Variants in PDLIM5 observed in about 807,000 individuals in gnomAD.
PDLIM5 encodes PDZ and LIM domain protein 5.
Under a neutral mutation model 64.2 loss-of-function variants are expected in PDLIM5, and 34 were observed. The ratio of observed to expected loss-of-function variants is 0.53; its 90% CI spans 0.40 to 0.71. The LOEUF (loss-of-function observed/expected upper bound fraction) is 0.71. PDLIM5 is among the 30% of genes least tolerant of loss of function. The pLI is 0.00. For missense variants in PDLIM5, 683 were observed against 733.6 expected (o/e 0.93, Z 0.80); for synonymous variants, 253 against 269.1 (o/e 0.94, Z 0.59).
chr4:94,527,341 C>T (rs982889426), intron 3 of PDLIM5, among the ~76,000 whole-genome samples: 1 of 152,046 alleles, frequency 6.6e-6, no homozygotes, highest in Non-Finnish European at 1.5e-5. Flanking sequence ...AGGCATGAGT[C>T]ACCACGCGTG....
intron 5 of PDLIM5, among the ~76,000 whole-genome samples, chr4:94,580,599 T>C (rs919903057): frequency 2.0e-5 from 3 of 152,144 alleles, no homozygotes; most frequent in African/African-American, 4.8e-5. Flanking sequence ...TTAGGTTAGA[T>C]AGAATTTTTT....
At chr4:94,614,056 G>C (rs1013143985) in intron 7 of PDLIM5, among the ~76,000 whole-genome samples, 1 of 150,132 alleles carries the variant, frequency 6.7e-6, no homozygotes, top group African/African-American at 2.5e-5. Context: ...TCCGCCTCGC[G>C]GGTTCAAGTG....
At position 94,667,310 on chromosome 4, in the gene PDLIM5, C is replaced by T. The variant is rs1036578124; in HGVS notation, c.*3243C>T. 1 of 152,188 alleles carries T rather than the reference C, an allele frequency of 6.6e-6. No homozygotes were observed. The allele number at this position is 152,188 out of a possible 1,614,324, so 9.4% of individuals were successfully genotyped here. A position where few individuals can be genotyped will look rare whatever the true frequency, so the allele number is the denominator to read the frequency against. ...CCTGCTTATGCTTGTCCAGTTGGCC[C>T]TCCATGTCCATAGGCTTCGCATCTG... On this transcript the variant is annotated 3_prime_UTR_variant, in exon 13 of 13. Coordinates refer to ENST00000317968, the MANE Select transcript of PDLIM5 (RefSeq NM_006457.5).
chr4:94,465,198 A>G (rs1366744193), intron 2 of PDLIM5, among the ~76,000 whole-genome samples: 1 of 152,138 alleles, frequency 6.6e-6, no homozygotes, highest in African/African-American at 2.4e-5. Flanking sequence ...ACATTCATGT[A>G]TCCTTTGCTC....
At chr4:94,652,591 G>A (rs1341598741) in intron 9 of PDLIM5, among the ~76,000 whole-genome samples, 1 of 152,122 alleles carries the variant, frequency 6.6e-6, no homozygotes, top group African/African-American at 2.4e-5. Flanking sequence ...TAAGTCAGTT[G>A]AAAATGATGG....
chr4:94,617,321 G>T (rs1738857530), intron 7 of PDLIM5, among the ~76,000 whole-genome samples: 1 of 152,102 alleles, frequency 6.6e-6, no homozygotes, highest in African/African-American at 2.4e-5. Flanking sequence ...GTTTAAACAG[G>T]TAACTCTTGG....
At chr4:94,646,081 T>C (rs199594895) in intron 9 of PDLIM5, among the ~76,000 whole-genome samples, 2 of 152,204 alleles carry the variant, frequency 1.3e-5, no homozygotes, top group East Asian at 3.8e-4. Context: ...ATTCGTTGAG[T>C]ATTTTGTGTG....
intron 7 of PDLIM5, among the ~76,000 whole-genome samples, chr4:94,609,553 T>TGTAACATTGG (rs1373843996): frequency 6.6e-6 from 1 of 152,214 alleles, no homozygotes; most frequent in Non-Finnish European, 1.5e-5. Flanking sequence ...TCATATTCAC[T>TGTAACATTGG]GTAACATTGG....
Position 94,664,080 on chromosome 4 carries a change from CAGG to C in PDLIM5, c.*16_*18del. The C allele has an allele frequency of 6.4e-7, 1 of 1,556,036 alleles. No homozygotes were observed. The highest frequency in any genetic ancestry group is 8.7e-7 in the Non-Finnish European group (1 of 1,143,654). On this transcript the variant is annotated 3_prime_UTR_variant, in exon 13 of 13. Coordinates refer to ENST00000317968, the MANE Select transcript of PDLIM5 (RefSeq NM_006457.5). ...TGTGAATTTTTGAAAGTCAACAGTTCAGGAGAAGAGAAGGAATTTGAAGAGAAA... is the reference window on the plus strand; with the variant it reads ...TGTGAATTTTTGAAAGTCAACAGTTCAGAAGAGAAGGAATTTGAAGAGAAA...
intron 3 of PDLIM5, among the ~76,000 whole-genome samples, chr4:94,533,620 C>CT (rs1172248446): frequency 6.6e-6 from 1 of 152,196 alleles, no homozygotes; most frequent in African/African-American, 2.4e-5. Context: ...AACTGAGTTT[C>CT]AGTTAACCAC....
chr4:94,524,813 G>A (rs934820442), intron 3 of PDLIM5, among the ~76,000 whole-genome samples: 1 of 152,112 alleles, frequency 6.6e-6, no homozygotes. Context: ...GAAGTTCTCT[G>A]TGGTTATTAT....
chr4:94,539,427 G>GA (rs1018246237), intron 3 of PDLIM5, among the ~76,000 whole-genome samples: 6 of 150,606 alleles, frequency 4.0e-5, no homozygotes, highest in Admixed American at 1.3e-4. Flanking sequence ...ATATATGAAG[G>GA]AAAAAAAACA....
rs186676872 is a variant in PDLIM5, at chr4:94,595,290, T to C, written c.920+8846T>C. Among the ~76,000 whole-genome samples, 13 of 152,302 alleles carry C rather than the reference T, an allele frequency of 8.5e-5. No individual in the cohort carries two copies. The East Asian group carries it at 2.5e-3, about 29-fold the overall frequency. On this transcript the variant is annotated intron_variant, in intron 7 of 12. Transcript: ENST00000317968. Reference sequence around the variant, plus strand: ...AAGAATTATAAGGTATGATATGGCTTCCCAATTGTCAAAGAATTAAAATGC... The same window carrying C: ...AAGAATTATAAGGTATGATATGGCTCCCCAATTGTCAAAGAATTAAAATGC...
intron 3 of PDLIM5, among the ~76,000 whole-genome samples, chr4:94,550,715 T>G (rs1305769629): frequency 6.6e-6 from 1 of 152,136 alleles, no homozygotes; most frequent in Non-Finnish European, 1.5e-5. Flanking sequence ...TCAACTGTAA[T>G]TATCCATACT....
intron 3 of PDLIM5, among the ~76,000 whole-genome samples, chr4:94,542,189 G>A (rs1731865664): frequency 6.6e-6 from 1 of 152,084 alleles, no homozygotes; most frequent in Admixed American, 6.6e-5. Context: ...GCACACATCT[G>A]TAATCCCAGC....
intron 7 of PDLIM5, among the ~76,000 whole-genome samples, chr4:94,599,773 T>C (rs1042887499): frequency 2.0e-5 from 3 of 151,990 alleles, no homozygotes; most frequent in Non-Finnish European, 2.9e-5. Flanking sequence ...CTATAGTGAA[T>C]GGTATAGTGA....
Position 94,523,732 on chromosome 4 carries a change from T to C in PDLIM5, c.105T>C (p.Asp35=), listed in dbSNP as rs1218010330. The C allele has an allele frequency of 2.7e-5, 44 of 1,611,696 alleles. No individual in the cohort carries two copies. The highest frequency in any genetic ancestry group is 3.7e-5 in the Non-Finnish European group (44 of 1,178,198). Residue 35 remains aspartate (D), a synonymous_variant, in exon 3 of 13, where the codon GAT becomes GAC. Coordinates refer to ENST00000317968, the MANE Select transcript of PDLIM5 (RefSeq NM_006457.5). ...AAATATATTTATTACAGCTAAAAGA[T>C]GGCGGCAAGGCAGCCCAGGCAAATG... ...NMPLTISSLK[D]GGKAAQANVR...
At chr4:94,463,330 T>A (rs1283541960) in intron 2 of PDLIM5, among the ~76,000 whole-genome samples, 2 of 152,210 alleles carry the variant, frequency 1.3e-5, no homozygotes, top group Non-Finnish European at 1.5e-5. Flanking sequence ...ACTTAGCTAC[T>A]GATAGCCTAC....
chr4:94,477,996 G>A (rs1002489909), intron 2 of PDLIM5, among the ~76,000 whole-genome samples: 21 of 152,146 alleles, frequency 1.4e-4, no homozygotes, highest in African/African-American at 5.1e-4. Flanking sequence ...AGTGGCTCAC[G>A]CCTGTAATCC....
Sources: allele counts gnomAD v4.1 joint callset (sites outside exome capture counted in the v4.1 genomes callset), GRCh38; gene constraint gnomAD v4.1.1; transcripts MANE v1.5; gene names NCBI Gene and HGNC (gene_info 2026-07-23, HGNC 2026-07-21).